The following NEDD4 variants were observed in gnomAD, a reference collection of about 807,000 sequenced individuals.
The protein encoded by NEDD4 is NEDD4 E3 ubiquitin protein ligase.
In NEDD4, 99 loss-of-function variants were observed where a neutral mutation model predicts 144.9. The observed-to-expected ratio is 0.68, with a 90% CI of 0.58 to 0.81. The LOEUF is 0.81. NEDD4 is among the 30% of genes least tolerant of loss of function. The pLI is 0.00. For synonymous variants in NEDD4, 318 were observed against 350.6 expected (o/e 0.91, Z 1.04); for missense variants, 985 against 1,065.9 (o/e 0.92, Z 1.06).
In NEDD4 at chr15:55,850,656, C is replaced by G. The variant is rs751045333; in HGVS notation, c.1233G>C (p.Gln411His). 1 of 1,614,118 alleles carries G rather than the reference C, an allele frequency of 6.2e-7. No homozygotes were observed. Among genetic ancestry groups the G allele is most frequent in the Non-Finnish European group, 8.5e-7 (1 of 1,180,026 alleles). ...GCTCAATTTCAGATGGCTGGGTCAC[C>G]TGCTGGCCTGAATCACTGGTGGAGG... ...SQASTSDSGQ[Q>H]VTQPSEIEQG... Residue 411 changes from glutamine (Q) to histidine (H), a missense_variant, in exon 14 of 29, where the codon CAG becomes CAC. Coordinates refer to ENST00000435532, the MANE Select transcript of NEDD4 (RefSeq NM_006154.4).
chr15:55,949,186 A>G (rs2142295660), intron 4 of NEDD4, among the ~76,000 whole-genome samples: 1 of 152,348 alleles, frequency 6.6e-6, no homozygotes, highest in East Asian at 1.9e-4. Flanking sequence ...TGCAGCCAAA[A>G]AACACATGTA....
chr15:55,899,999 T>C (rs922828394), intron 5 of NEDD4, among the ~76,000 whole-genome samples: 2 of 152,176 alleles, frequency 1.3e-5, no homozygotes, highest in Non-Finnish European at 2.9e-5. Context: ...TTGCTGTCTC[T>C]GAGATTCAGA....
At position 55,834,231 on chromosome 15, in the gene NEDD4, A is replaced by C; in HGVS notation, c.2318T>G (p.Leu773Arg). ...ACATAAAATGTTATGTCTTACCTCT[A>C]GTTCATTTTCATCAAAAATTTTGAT... Reference protein sequence around the residue: ...DLIKIFDENELELLMCGLGDV... With the variant: ...DLIKIFDENERELLMCGLGDV... Residue 773 changes from leucine (L) to arginine (R), a missense_variant, in exon 25 of 29, where the codon CTA becomes CGA. Leu to Arg is a moderately radical substitution (Grantham distance 102). Coordinates refer to ENST00000435532, the MANE Select transcript of NEDD4 (RefSeq NM_006154.4). 1.2e-6 allele frequency: 2 copies of C among 1,609,186 alleles called. No individual in the cohort carries two copies. Among genetic ancestry groups the C allele is most frequent in the Non-Finnish European group, 1.7e-6 (2 of 1,175,744 alleles).
intron 4 of NEDD4, among the ~76,000 whole-genome samples, chr15:55,927,374 G>A (rs567659049): frequency 6.6e-6 from 1 of 151,984 alleles, no homozygotes; most frequent in African/African-American, 2.4e-5. Flanking sequence ...GCAGTGGTGC[G>A]ATCACAGCTC....
At position 55,873,989 on chromosome 15, in the gene NEDD4, C is replaced by T; in HGVS notation, c.311G>A (p.Gly104Asp). The change falls in exon 6 of 29, where the codon GGT becomes GAT. Residue 104 changes from glycine to aspartate, a missense_variant. By Grantham distance (94) the Gly-to-Asp change is moderately conservative. Transcript: ENST00000435532. ...TGGATAAAGTGGAACATCCACTTGA[C>T]CTAGGAAATCATCTCTTGTCTATAA... Reference protein sequence around the residue: ...ENRLTRDDFLGQVDVPLYPLP... With the variant: ...ENRLTRDDFLDQVDVPLYPLP... 1 of 1,541,850 alleles carries T rather than the reference C, an allele frequency of 6.5e-7. No individual in the cohort carries two copies. The highest frequency in any genetic ancestry group is 8.8e-7 in the Non-Finnish European group (1 of 1,138,114).
chr15:55,942,172 A>C (rs544570437), intron 4 of NEDD4, among the ~76,000 whole-genome samples: 1 of 152,138 alleles, frequency 6.6e-6, no homozygotes, highest in Non-Finnish European at 1.5e-5. Context: ...AATTTTAAAG[A>C]TTACTAGGTC....
At chr15:55,878,892 G>T (rs1036275432) in intron 5 of NEDD4, among the ~76,000 whole-genome samples, 2 of 152,214 alleles carry the variant, frequency 1.3e-5, no homozygotes, top group African/African-American at 2.4e-5. Context: ...GCGCGATCTC[G>T]ACTCACTGCA....
intron 4 of NEDD4, among the ~76,000 whole-genome samples, chr15:55,939,681 A>T (rs187053848): frequency 6.0e-4 from 91 of 152,280 alleles, no homozygotes; most frequent in Admixed American, 5.4e-3. Context: ...AAATTTTTAG[A>T]TTTTTTTAGT....
intron 4 of NEDD4, among the ~76,000 whole-genome samples, chr15:55,930,098 G>T (rs1383918661): frequency 6.6e-6 from 1 of 152,114 alleles, no homozygotes; most frequent in Admixed American, 6.6e-5. Context: ...AAAAAAAGAG[G>T]CTGGGCAAAT....
chr15:55,904,106 G>C (rs2036007053), intron 5 of NEDD4, among the ~76,000 whole-genome samples: 2 of 152,054 alleles, frequency 1.3e-5, no homozygotes, highest in Non-Finnish European at 2.9e-5. Context: ...AGGTCACAGA[G>C]AGCCGAGATT....
chr15:55,889,668 T>A (rs772014148), intron 5 of NEDD4, among the ~76,000 whole-genome samples: 5 of 152,076 alleles, frequency 3.3e-5, no homozygotes, highest in East Asian at 1.9e-4. Flanking sequence ...GTAACTTTAG[T>A]CAAAAATAAT....
intron 5 of NEDD4, chr15:55,916,153 A>G (rs946561132): frequency 6.2e-7 from 1 of 1,613,920 alleles, no homozygotes; most frequent in African/African-American, 1.3e-5. Flanking sequence ...CTTCTTGAAA[A>G]AATTTCACAA....
At chr15:55,986,701 G>A (rs1226684932) in intron 1 of NEDD4, among the ~76,000 whole-genome samples, 2 of 148,300 alleles carry the variant, frequency 1.3e-5, no homozygotes, top group East Asian at 2.0e-4. Context: ...GCCATTCTCC[G>A]GCCTCAGCCT....
rs1216186178 is a variant in NEDD4, at chr15:55,885,303, G to A, written c.292-11295C>T. Among the ~76,000 whole-genome samples the A allele has an allele frequency of 3.3e-5, 5 of 152,258 alleles. No homozygotes were observed. In the South Asian group the frequency reaches 1.0e-3, roughly 32 times the overall value. On this transcript the variant is annotated intron_variant, in intron 5 of 28. Coordinates refer to ENST00000435532, the MANE Select transcript of NEDD4 (RefSeq NM_006154.4). ...CCTGTCCTACAAGAAATGCTAAAGG[G>A]AGTTCTTCAGTCTGAAAGAAAAGGA...
At chr15:55,965,223 C>T (rs1253696679) in intron 2 of NEDD4, among the ~76,000 whole-genome samples, 2 of 152,118 alleles carry the variant, frequency 1.3e-5, no homozygotes, top group Admixed American at 6.5e-5. Flanking sequence ...TTTTGAGACA[C>T]GGTCTCACTT....
intron 5 of NEDD4, among the ~76,000 whole-genome samples, chr15:55,897,557 C>A (rs1484517135): frequency 6.6e-6 from 1 of 152,192 alleles, no homozygotes; most frequent in South Asian, 2.1e-4. Context: ...GTATGTTCAA[C>A]TTGGAGCAAT....
intron 5 of NEDD4, among the ~76,000 whole-genome samples, chr15:55,895,992 G>C (rs1425096427): frequency 6.6e-6 from 1 of 152,170 alleles, no homozygotes; most frequent in Non-Finnish European, 1.5e-5. Context: ...TTACAGACTG[G>C]TGAGGACCAC....
chr15:55,943,939 C>A (rs1263279315), intron 4 of NEDD4, among the ~76,000 whole-genome samples: 6 of 152,246 alleles, frequency 3.9e-5, no homozygotes, highest in Non-Finnish European at 5.9e-5. Context: ...CCTTTCGGAA[C>A]CCACCCCTTG....
chr15:55,910,586 G>T (rs2036240810), intron 5 of NEDD4, among the ~76,000 whole-genome samples: 1 of 151,852 alleles, frequency 6.6e-6, no homozygotes, highest in Non-Finnish European at 1.5e-5. Flanking sequence ...TCCCTAACGT[G>T]TTCATCCTTA....
Sources: gnomAD v4.1 joint callset for allele counts (sites outside exome capture counted in the v4.1 genomes callset) on GRCh38, gnomAD v4.1.1 for gene constraint, MANE v1.5 for transcripts, NCBI Gene and HGNC (gene_info 2026-07-23, HGNC 2026-07-21) for gene names.